Variants in GFRA1 observed in about 807,000 individuals in gnomAD.
GFRA1 encodes the protein GDNF family receptor alpha-1.
In GFRA1, 16 loss-of-function variants were observed where a neutral mutation model predicts 51.6. The observed-to-expected ratio is 0.31, with a 90% CI of 0.21 to 0.47. GFRA1 has a LOEUF of 0.47. Among genes scored for constraint, GFRA1 ranks in the 20% least tolerant of loss-of-function variants. The probability of loss-of-function intolerance (pLI) is 1.00; values close to 1 mark genes in which losing one functional copy is unlikely to be tolerated. For synonymous variants in GFRA1, 270 were observed against 241.3 expected (o/e 1.12, Z -1.10); for missense variants, 530 against 594.3 (o/e 0.89, Z 1.13).
chr10:116,155,633 C>CTT lies in GFRA1; in HGVS notation c.434-30077_434-30076insAA, dbSNP rs772708634. Among the ~76,000 whole-genome samples the CTT allele has an allele frequency of 2.9e-3, 436 of 152,210 alleles. 4 individuals are homozygous for CTT. Among genetic ancestry groups the CTT allele is most frequent in the South Asian group, 0.01 (49 of 4,818 alleles). Reference sequence around the variant, plus strand: ...ATCCTTAAAGCATGGTCAGGTTCAGCAAAATATGGTAACAAAGGCAAAGCT... The same window carrying CTT: ...ATCCTTAAAGCATGGTCAGGTTCAGCTTAAAATATGGTAACAAAGGCAAAGCT... On this transcript the variant is annotated intron_variant, in intron 5 of 10. Coordinates refer to ENST00000355422, the MANE Select transcript of GFRA1 (RefSeq NM_005264.8).
At chr10:116,166,666 G>A (rs1285001336) in intron 5 of GFRA1, among the ~76,000 whole-genome samples, 1 of 151,948 alleles carries the variant, frequency 6.6e-6, no homozygotes, top group Non-Finnish European at 1.5e-5. Flanking sequence ...AAGAAGGGAG[G>A]AGGCTCCAGT....
intron 5 of GFRA1, among the ~76,000 whole-genome samples, chr10:116,174,821 A>T (rs911902644): frequency 6.6e-6 from 1 of 152,244 alleles, no homozygotes; most frequent in Non-Finnish European, 1.5e-5. Flanking sequence ...AATAAGCTTT[A>T]AAACATGATT....
chr10:116,226,182 C>T (rs1306201315), intron 4 of GFRA1, among the ~76,000 whole-genome samples: 2 of 152,178 alleles, frequency 1.3e-5, no homozygotes, highest in East Asian at 1.9e-4. Flanking sequence ...TCTGTGATTA[C>T]GGAGGCACAA....
At chr10:116,241,374 A>G (rs1487712334) in intron 4 of GFRA1, among the ~76,000 whole-genome samples, 1 of 152,168 alleles carries the variant, frequency 6.6e-6, no homozygotes, top group Admixed American at 6.5e-5. Context: ...GTCAAAACAA[A>G]TCTCAACCAC....
intron 4 of GFRA1, among the ~76,000 whole-genome samples, chr10:116,237,619 C>T (rs1409445815): frequency 6.8e-6 from 1 of 147,892 alleles, no homozygotes; most frequent in Non-Finnish European, 1.5e-5. Flanking sequence ...TGCTCTCTTT[C>T]TTCGATACTT....
chr10:116,166,949 G>C (rs922671167), intron 5 of GFRA1, among the ~76,000 whole-genome samples: 4 of 151,596 alleles, frequency 2.6e-5, no homozygotes, highest in Non-Finnish European at 4.4e-5. Context: ...ACAGGCGCCC[G>C]CCTCCACACC....
intron 5 of GFRA1, among the ~76,000 whole-genome samples, chr10:116,208,170 C>T (rs1964925330): frequency 6.6e-6 from 1 of 151,980 alleles, no homozygotes; most frequent in Non-Finnish European, 1.5e-5. Context: ...GTGTTCCTAC[C>T]TTGTAAATCC....
At chr10:116,104,174 G>T (rs1178397514) in intron 6 of GFRA1, among the ~76,000 whole-genome samples, 1 of 152,230 alleles carries the variant, frequency 6.6e-6, no homozygotes, top group Admixed American at 6.5e-5. Flanking sequence ...ATGTGCGTAT[G>T]GCAGTTTAGC....
intron 6 of GFRA1, among the ~76,000 whole-genome samples, chr10:116,105,968 A>G (rs1423832699): frequency 6.6e-6 from 1 of 152,168 alleles, no homozygotes; most frequent in Non-Finnish European, 1.5e-5. Flanking sequence ...TGAGGTAGGG[A>G]GAGTATCCCG....
intron 5 of GFRA1, among the ~76,000 whole-genome samples, chr10:116,206,666 C>CGCCCA (rs1266924593): frequency 7.3e-6 from 1 of 137,442 alleles, no homozygotes; most frequent in Non-Finnish European, 1.5e-5. Context: ...CTCACTCTGT[C>CGCCCA]GCCCAGGCTG....
chr10:116,138,026 C>T (rs1403792358), intron 5 of GFRA1, among the ~76,000 whole-genome samples: 1 of 152,174 alleles, frequency 6.6e-6, no homozygotes. Flanking sequence ...TGGTCTCAAA[C>T]TCGTGATCTC....
At chr10:116,077,249 T>G (rs990595461) in intron 9 of GFRA1, among the ~76,000 whole-genome samples, 2 of 152,172 alleles carry the variant, frequency 1.3e-5, no homozygotes, top group Non-Finnish European at 2.9e-5. Context: ...AAAAGAGTTT[T>G]TAAAAAGAGA....
chr10:116,071,919 C>T (rs1225984648), intron 9 of GFRA1, among the ~76,000 whole-genome samples: 1 of 151,968 alleles, frequency 6.6e-6, no homozygotes, highest in Admixed American at 6.6e-5. Flanking sequence ...TAAGCCACGC[C>T]TATAATTCCT....
At chr10:116,119,213 G>T (rs1406227639) in intron 6 of GFRA1, among the ~76,000 whole-genome samples, 1 of 152,164 alleles carries the variant, frequency 6.6e-6, no homozygotes, top group East Asian at 1.9e-4. Context: ...AGAACACCAG[G>T]GTGGGCAGCA....
chr10:116,130,088 A>C (rs1958045384), intron 5 of GFRA1, among the ~76,000 whole-genome samples: 1 of 151,650 alleles, frequency 6.6e-6, no homozygotes. Flanking sequence ...ATGAATAAAA[A>C]AAAAAAGCAC....
chr10:116,174,839 C>G (rs944649645), intron 5 of GFRA1, among the ~76,000 whole-genome samples: 1 of 152,150 alleles, frequency 6.6e-6, no homozygotes, highest in African/African-American at 2.4e-5. Context: ...ATTTTTCTCT[C>G]TCAACGTTGA....
At chr10:116,204,124 C>T (rs371898567) in intron 5 of GFRA1, among the ~76,000 whole-genome samples, 13 of 152,322 alleles carry the variant, frequency 8.5e-5, no homozygotes, top group African/African-American at 2.9e-4. Flanking sequence ...AAGCCCTTCT[C>T]TAGGTGTCAA....
In GFRA1 at chr10:116,079,663, C is replaced by A. The variant is rs145321802; in HGVS notation, c.1197+10078G>T. Among the ~76,000 whole-genome samples, 808 of 152,160 alleles carry A rather than the reference C, an allele frequency of 5.3e-3. 7 individuals are homozygous for A. Among genetic ancestry groups the A allele is most frequent in the African/African-American group, 0.019 (770 of 41,514 alleles). On this transcript the variant is annotated intron_variant, in intron 9 of 10. Coordinates refer to ENST00000355422, the MANE Select transcript of GFRA1 (RefSeq NM_005264.8). The stretch of plus-strand genomic sequence containing the variant: ...AGAGGCCAGGGACGCTGCTAAATAC[C>A]CTACAATGCACAGGACAGCCCCCCG...
intron 5 of GFRA1, among the ~76,000 whole-genome samples, chr10:116,146,165 A>G (rs987224892): frequency 5.3e-5 from 8 of 152,216 alleles, no homozygotes; most frequent in Non-Finnish European, 8.8e-5. Context: ...CAAGAGAATG[A>G]TAAACACCAA....
Sources: allele counts gnomAD v4.1 joint callset (sites outside exome capture counted in the v4.1 genomes callset), GRCh38; gene constraint gnomAD v4.1.1; transcripts MANE v1.5; gene names NCBI Gene and HGNC (gene_info 2026-07-23, HGNC 2026-07-21).